The following ARL10 variants were observed in gnomAD, a reference collection of about 807,000 sequenced individuals.
The protein encoded by ARL10 is ADP-ribosylation factor-like protein 10.
A neutral mutation model predicts 26.1 loss-of-function variants in ARL10; 23 were observed. The observed-to-expected ratio is 0.88, with a 90% CI of 0.63 to 1.25. ARL10 has a LOEUF of 1.25. Ranked by LOEUF, ARL10 falls within the 50% of genes most tolerant of loss-of-function variation. The pLI, the probability that ARL10 is intolerant of heterozygous loss-of-function variation, is 0.00. For missense variants in ARL10, 300 were observed against 323.6 expected (o/e 0.93, Z 0.56); for synonymous variants, 138 against 149.1 (o/e 0.93, Z 0.54).
chr5:176,406,741 G>A (rs1254718625), downstream of ARL10: 7 of 1,270,702 alleles, frequency 5.5e-6, no homozygotes, highest in African/African-American at 1.5e-5. Flanking sequence ...AAGCACAAAA[G>A]CTCTGTCTGG....
downstream of ARL10, among the ~76,000 whole-genome samples, chr5:176,383,187 C>T (rs929068705): frequency 3.3e-5 from 5 of 152,210 alleles, no homozygotes; most frequent in Non-Finnish European, 4.4e-5. Context: ...GATAAAACCA[C>T]GCACCATACA....
At chr5:176,393,047 C>G (rs1222745921), downstream of ARL10, 1 of 1,305,662 alleles carries the variant, frequency 7.7e-7, no homozygotes, top group East Asian at 2.3e-5. The surrounding 1 kb of genome is among the most constrained non-coding windows in gnomAD (Gnocchi z 4.4). Flanking sequence ...GCACTGTGTC[C>G]TCCCCAGCCT....
At position 176,365,508 on chromosome 5, in the gene ARL10, G is replaced by A; in HGVS notation, c.-56G>A. On this transcript the variant is annotated 5_prime_UTR_variant, in exon 1 of 4. Coordinates refer to ENST00000310389, the MANE Select transcript of ARL10 (RefSeq NM_173664.6). ...CAGCAGTCGCAGCGGGGCCATCTTC[G>A]GCGGGCGAGTGGGCTCGGCCTGTGC... 8.3e-7 allele frequency: 1 copy of A among 1,198,802 alleles called. No homozygotes were observed. Among genetic ancestry groups the A allele is most frequent in the Non-Finnish European group, 1.0e-6 (1 of 963,220 alleles). The allele number at this position is 1,198,802 out of a possible 1,614,324, so 74.3% of individuals were successfully genotyped here.
the ARL10 span, among the ~76,000 whole-genome samples, chr5:176,407,292 C>T: frequency 6.6e-6 from 1 of 152,168 alleles, no homozygotes; most frequent in African/African-American, 2.4e-5. Flanking sequence ...GTAAATGATC[C>T]AGCTCAGAGT....
rs1768708665 is a variant in ARL10, at chr5:176,377,164, G to A, written c.*5269G>A. 1 of 152,154 alleles carries A rather than the reference G, an allele frequency of 6.6e-6. No homozygotes were observed. The highest frequency in any genetic ancestry group is 2.4e-5 in the African/African-American group (1 of 41,422). 9.4% of individuals were successfully genotyped at this position (152,154 alleles called of 1,614,324 possible). A position where few individuals can be genotyped will look rare whatever the true frequency, so the allele number is the denominator to read the frequency against. On this transcript the variant is annotated 3_prime_UTR_variant, in exon 4 of 4. Coordinates refer to ENST00000310389, the MANE Select transcript of ARL10 (RefSeq NM_173664.6). The surrounding 1 kb of genome is among the most constrained non-coding windows in gnomAD (Gnocchi z 4.5). The stretch of plus-strand genomic sequence containing the variant: ...ATCTGCTGACCAAAGGCAATGGTTG[G>A]CTTTCTTCTTCAGAGATCAGAAAAA...
intron 1 of ARL10, chr5:176,398,071 C>T: frequency 6.2e-7 from 1 of 1,605,990 alleles, no homozygotes; most frequent in Non-Finnish European, 8.5e-7. Context: ...ACGCAGCAGT[C>T]TATCCAGCCA....
At chr5:176,402,912 G>A (rs147670151), downstream of ARL10, among the ~76,000 whole-genome samples, 104 of 152,304 alleles carry the variant, frequency 6.8e-4, no homozygotes, top group African/African-American at 2.2e-3. Flanking sequence ...TAAGAATCAC[G>A]TGGGCCTGGA....
chr5:176,369,435 G>A (rs1277657017), intron 3 of ARL10, among the ~76,000 whole-genome samples: 3 of 152,058 alleles, frequency 2.0e-5, no homozygotes, highest in Non-Finnish European at 4.4e-5. Context: ...GTTTTGCCAT[G>A]TTGGCCAGGC....
rs961815304 is a variant in ARL10 at position 176,379,011 on chromosome 5, C to T, written c.*7116C>T. 2.6e-5 allele frequency: 4 copies of T among 151,776 alleles called. No homozygotes were observed. The highest frequency in any genetic ancestry group is 9.7e-5 in the African/African-American group (4 of 41,334). 9.4% of individuals were successfully genotyped at this position (151,776 alleles called of 1,614,324 possible). A position where few individuals can be genotyped will look rare whatever the true frequency, so the allele number is the denominator to read the frequency against. ...TGGAACTTGCAAAAAAAAAAGTTCA[C>T]TCCCTAAAACCAGATCAGATGAACC... On this transcript the variant is annotated 3_prime_UTR_variant, in exon 4 of 4. Transcript: ENST00000310389.
intron 1 of ARL10, among the ~76,000 whole-genome samples, chr5:176,400,558 C>A (rs1216263199): frequency 6.6e-6 from 1 of 152,194 alleles, no homozygotes; most frequent in Non-Finnish European, 1.5e-5. Flanking sequence ...ACCCTCTGGT[C>A]TGGCAAAGCC....
At position 176,378,325 on chromosome 5, in the gene ARL10, C is replaced by G. The variant is rs1168608824; in HGVS notation, c.*6430C>G. The G allele has an allele frequency of 6.6e-6, 1 of 152,228 alleles. No individual in the cohort carries two copies. The highest frequency in any genetic ancestry group is 2.4e-5 in the African/African-American group (1 of 41,458). The allele number at this position is 152,228 out of a possible 1,614,324, so 9.4% of individuals were successfully genotyped here. On this transcript the variant is annotated 3_prime_UTR_variant, in exon 4 of 4. Coordinates refer to ENST00000310389, the MANE Select transcript of ARL10 (RefSeq NM_173664.6). The stretch of plus-strand genomic sequence containing the variant: ...TCTGCCAGGGCAGTCCCTTGATATT[C>G]AGGTTCAGCTTTCCATGTATGGGCT...
downstream of ARL10, chr5:176,385,245 T>C (rs1755741700): frequency 6.2e-7 from 1 of 1,610,136 alleles, no homozygotes. Flanking sequence ...CGTGGTTCTC[T>C]ACCATGTAGC....
intron 1 of ARL10, among the ~76,000 whole-genome samples, chr5:176,399,204 C>T (rs1332884705): frequency 1.3e-5 from 2 of 152,116 alleles, no homozygotes; most frequent in Non-Finnish European, 2.9e-5. Context: ...TCATCTCTGT[C>T]CTTTTCACTG....
At chr5:176,382,975 T>C (rs1755588114), downstream of ARL10, among the ~76,000 whole-genome samples, 2 of 152,186 alleles carry the variant, frequency 1.3e-5, no homozygotes, top group Non-Finnish European at 2.9e-5. Context: ...CGAGGGCCAG[T>C]CATTGCTGGA....
the ARL10 span, among the ~76,000 whole-genome samples, chr5:176,412,952 C>T: frequency 6.6e-6 from 1 of 152,138 alleles, no homozygotes; most frequent in Non-Finnish European, 1.5e-5. Context: ...GAATTTGCAC[C>T]ACCCTACTCC....
At chr5:176,383,066 A>C (rs558715354), downstream of ARL10, among the ~76,000 whole-genome samples, 1 of 152,244 alleles carries the variant, frequency 6.6e-6, no homozygotes, top group African/African-American at 2.4e-5. Context: ...GGCAGCCTTC[A>C]GGGGTCCTTA....
At chr5:176,399,389 T>C (rs1756701840) in intron 1 of ARL10, among the ~76,000 whole-genome samples, 1 of 152,204 alleles carries the variant, frequency 6.6e-6, no homozygotes, top group Non-Finnish European at 1.5e-5. Context: ...TCTGATACTA[T>C]GAAATGTTTG....
At chr5:176,398,165 A>C in intron 1 of ARL10, 1 of 824,076 alleles carries the variant, frequency 1.2e-6, no homozygotes, top group East Asian at 2.5e-5. Flanking sequence ...CCTCATACCC[A>C]CTGTCTCTGG....
chr5:176,389,511 C>T, downstream of ARL10: 4 of 1,601,678 alleles, frequency 2.5e-6, no homozygotes, highest in Non-Finnish European at 2.6e-6. Flanking sequence ...CAGGGTCTGG[C>T]CTTGAAAGCT....
Sources: allele counts gnomAD v4.1 joint callset (sites outside exome capture counted in the v4.1 genomes callset), GRCh38; gene constraint gnomAD v4.1.1; non-coding constraint Gnocchi (gnomAD v3.1); transcripts MANE v1.5; gene names NCBI Gene and HGNC (gene_info 2026-07-23, HGNC 2026-07-21).